PKHD1L1: variants seen among roughly 807,000 people sequenced by gnomAD.
PKHD1L1 encodes fibrocystin-L.
In PKHD1L1, 434 loss-of-function variants were observed where a neutral mutation model predicts 462.9. The ratio of observed to expected loss-of-function variants is 0.94; its 90% CI spans 0.87 to 1.02. The LOEUF (loss-of-function observed/expected upper bound fraction) is 1.02, where lower values mean the gene tolerates loss of function less well. Ranked by LOEUF, PKHD1L1 falls within the 50% of genes least tolerant of loss-of-function variation. The probability of loss-of-function intolerance (pLI) is 0.00; values close to 1 mark genes in which losing one functional copy is unlikely to be tolerated. For missense variants in PKHD1L1, 5,202 were observed against 5,096.1 expected (o/e 1.02, Z -0.63); for synonymous variants, 1,781 against 1,750.0 (o/e 1.02, Z -0.44).
At chr8:109,526,082 A>C (rs1295250898) in intron 76 of PKHD1L1, among the ~76,000 whole-genome samples, 1 of 152,210 alleles carries the variant, frequency 6.6e-6, no homozygotes, top group Non-Finnish European at 1.5e-5. Context: ...TATATTGGTT[A>C]TCTCCTATTC....
At chr8:109,421,366 A>G (rs1362125277) in intron 23 of PKHD1L1, among the ~76,000 whole-genome samples, 1 of 152,090 alleles carries the variant, frequency 6.6e-6, no homozygotes, top group East Asian at 1.9e-4. Flanking sequence ...AATTACTGAA[A>G]AATTATAAAA....
chr8:109,426,935 G>C, intron 24 of PKHD1L1, 67 bp from the exon 25 acceptor site: 1 of 910,016 alleles, frequency 1.1e-6, no homozygotes, highest in Non-Finnish European at 1.8e-6. Flanking sequence ...TTACAGGCGT[G>C]AACCACCACA....
At chr8:109,520,804 C>G (rs899929512) in intron 73 of PKHD1L1, among the ~76,000 whole-genome samples, 39 of 152,186 alleles carry the variant, frequency 2.6e-4, no homozygotes, top group Non-Finnish European at 5.0e-4. Context: ...GAATAAGAGG[C>G]CTTCAAGTTA....
chr8:109,510,705 A>T (rs1819925495), intron 70 of PKHD1L1, 72 bp from the exon 71 acceptor site: 4 of 1,487,404 alleles, frequency 2.7e-6, no homozygotes, highest in Non-Finnish European at 3.6e-6. Context: ...TTTTAATACA[A>T]TTACTCTTCA....
At chr8:109,454,991 T>C (rs1816740721) in intron 45 of PKHD1L1, 139 bp downstream of exon 45, 1 of 1,156,136 alleles carries the variant, frequency 8.6e-7, no homozygotes, top group Non-Finnish European at 1.2e-6. Flanking sequence ...AGATATCCCC[T>C]CTTTACCCCT....
chr8:109,515,238 C>T lies in PKHD1L1; in HGVS notation c.11622C>T (p.Val3874=). The change falls in exon 72 of 78, where the codon GTC becomes GTT. Residue 3874 remains valine, a synonymous_variant. Transcript: ENST00000378402. ...RLDVYVNNLL[V]CPKTTIWNAQ... ...ATGTCTATGTGAACAACTTATTGGT[C>T]TGTCCAAAAACTACAATATGGAATG... is the stretch of plus-strand genomic sequence containing the variant. 1.2e-6 allele frequency: 2 copies of T among 1,602,860 alleles called. No homozygotes were observed. Among genetic ancestry groups the T allele is most frequent in the Non-Finnish European group, 1.7e-6 (2 of 1,172,578 alleles).
chr8:109,466,520 C>A, intron 49 of PKHD1L1, 58 bp from the exon 50 acceptor site: 1 of 1,467,664 alleles, frequency 6.8e-7, no homozygotes, highest in South Asian at 1.3e-5. Context: ...ATATTGTAGA[C>A]CTTTTTTATG....
chr8:109,489,928 A>AAAACAATTTAAAAAGAT, intron 59 of PKHD1L1, 24 bp from the exon 60 acceptor site: 4 of 1,444,994 alleles, frequency 2.8e-6, no homozygotes, highest in Non-Finnish European at 3.9e-6. Context: ...AGAAAAACAA[A>AAAACAATTTAAAAAGAT]TTTTAAATCT....
At chr8:109,448,623 T>C (rs546974404) in intron 39 of PKHD1L1, among the ~76,000 whole-genome samples, 1 of 151,896 alleles carries the variant, frequency 6.6e-6, no homozygotes, top group South Asian at 2.1e-4. Context: ...GCCATTCTCC[T>C]GCCTCAGCCT....
chr8:109,416,743 T>C (rs988711904), intron 21 of PKHD1L1, among the ~76,000 whole-genome samples: 2 of 152,148 alleles, frequency 1.3e-5, no homozygotes, highest in Non-Finnish European at 2.9e-5. Context: ...CCTGCCTCTG[T>C]TAGGTGGCAA....
intron 27 of PKHD1L1, among the ~76,000 whole-genome samples, chr8:109,431,262 A>G (rs1815085362): frequency 6.6e-6 from 1 of 152,200 alleles, no homozygotes; most frequent in African/African-American, 2.4e-5. Context: ...CTTTTGCCAC[A>G]TTTGGATCAT....
At chr8:109,408,245 C>T in intron 18 of PKHD1L1, 39 bp downstream of exon 18, 2 of 1,547,646 alleles carry the variant, frequency 1.3e-6, no homozygotes, top group South Asian at 1.2e-5. Flanking sequence ...ATTTTCCCTG[C>T]ACCCTCTCAC....
chr8:109,379,805 A>G (rs1174145178), intron 2 of PKHD1L1, among the ~76,000 whole-genome samples: 2 of 152,216 alleles, frequency 1.3e-5, no homozygotes, highest in Non-Finnish European at 2.9e-5. Context: ...CTCAGTTTGA[A>G]TTCATCAAAC....
chr8:109,371,936 G>A (rs1045502435), intron 2 of PKHD1L1, among the ~76,000 whole-genome samples: 26 of 152,028 alleles, frequency 1.7e-4, no homozygotes, highest in African/African-American at 1.9e-4. Flanking sequence ...GTCAGGTAGT[G>A]TGATGCCTCC....
At chr8:109,466,519 A>C (rs1215542487) in intron 49 of PKHD1L1, 59 bp from the exon 50 acceptor site, 11 of 1,464,154 alleles carry the variant, frequency 7.5e-6, no homozygotes, top group African/African-American at 1.4e-5. Context: ...TATATTGTAG[A>C]CCTTTTTTAT....
chr8:109,441,252 T>C (rs1031704818), intron 33 of PKHD1L1, 23 bp from the exon 34 acceptor site: 60 of 1,424,610 alleles, frequency 4.2e-5, no homozygotes, highest in Non-Finnish European at 5.5e-5. Flanking sequence ...TTTTTAAAAA[T>C]ATGCAGTATT....
intron 38 of PKHD1L1, 121 bp downstream of exon 38, chr8:109,445,766 C>T: frequency 1.9e-6 from 2 of 1,037,826 alleles, no homozygotes; most frequent in Non-Finnish European, 2.7e-6. Context: ...CCCACTTACA[C>T]TTAATACCTG....
In PKHD1L1 at chr8:109,401,585, A is replaced by G; in HGVS notation, c.1370A>G (p.Lys457Arg). The change falls in exon 14 of 78, where the codon AAA (lysine) becomes AGA (arginine). Residue 457 changes from lysine to arginine, a missense_variant. Lys to Arg is a conservative substitution (Grantham distance 26). Coordinates refer to ENST00000378402, the MANE Select transcript of PKHD1L1 (RefSeq NM_177531.6). ...GATGATATTCATCTGCAGAAAGGAAAAGAGTAAGGCTTTTTCCTGTCATTA... is the reference window on the plus strand; with the variant it reads ...GATGATATTCATCTGCAGAAAGGAAGAGAGTAAGGCTTTTTCCTGTCATTA... ...RSDDIHLQKG[K>R]EYYIEILLQE... The G allele has an allele frequency of 1.3e-6, 2 of 1,537,534 alleles. No individual in the cohort carries two copies. Among genetic ancestry groups the G allele is most frequent in the South Asian group, 2.3e-5 (2 of 87,482 alleles).
intron 67 of PKHD1L1, among the ~76,000 whole-genome samples, chr8:109,501,316 G>A (rs1023757190): frequency 6.6e-6 from 1 of 152,082 alleles, no homozygotes. Context: ...GCTCACCCCT[G>A]TACCTATTTT....
Sources: allele counts gnomAD v4.1 joint callset (sites outside exome capture counted in the v4.1 genomes callset), GRCh38; gene constraint gnomAD v4.1.1; transcripts MANE v1.5; gene names NCBI Gene and HGNC (gene_info 2026-07-23, HGNC 2026-07-21).